The following SRD5A1 variants were observed in gnomAD, a reference collection of about 807,000 sequenced individuals.
The protein encoded by SRD5A1 is steroid 5 alpha-reductase 1.
Under a neutral mutation model 28.2 loss-of-function variants are expected in SRD5A1, and 22 were observed. That is an observed-to-expected ratio of 0.78 (90% CI 0.56 to 1.12). The LOEUF (loss-of-function observed/expected upper bound fraction) is 1.12. Ranked by LOEUF, SRD5A1 falls within the 50% of genes most tolerant of loss-of-function variation. The probability of loss-of-function intolerance (pLI) is 0.00; values close to 1 mark genes in which losing one functional copy is unlikely to be tolerated. For missense variants in SRD5A1, 300 were observed against 346.7 expected, an observed-to-expected ratio of 0.87 and a Z score of 1.07; for synonymous variants, 151 against 135.0, an observed-to-expected ratio of 1.12 and a Z score of -0.82.
At chr5:6,639,169 T>C (rs1275753540) in intron 1 of SRD5A1, among the ~76,000 whole-genome samples, 1 of 152,246 alleles carries the variant, frequency 6.6e-6, no homozygotes, top group African/African-American at 2.4e-5. Context: ...AAGACATACT[T>C]CTTTAGTTCC....
intron 3 of SRD5A1, among the ~76,000 whole-genome samples, chr5:6,660,450 A>G (rs1738967668): frequency 6.6e-6 from 1 of 152,244 alleles, no homozygotes. Context: ...AGGTCCTTCC[A>G]CGTCTGGGAT....
In SRD5A1 at chr5:6,672,340, A is replaced by G. The variant is rs955087016; in HGVS notation, c.*4072A>G. On this transcript the variant is annotated 3_prime_UTR_variant, in exon 5 of 5. Transcript: ENST00000274192. ...ACCCAGGCTGGAGTGCAATGGTGCG[A>G]TCTTGGCTCACTGCAAGCTGTGCCT... The G allele has an allele frequency of 1.3e-5, 2 of 152,298 alleles. No homozygotes were observed. Among genetic ancestry groups the G allele is most frequent in the African/African-American group, 4.8e-5 (2 of 41,448 alleles). The allele number at this position is 152,298 out of a possible 1,614,324, so 9.4% of individuals were successfully genotyped here.
intron 2 of SRD5A1, among the ~76,000 whole-genome samples, chr5:6,655,563 A>G (rs1419426408): frequency 6.6e-6 from 1 of 152,232 alleles, no homozygotes. Context: ...ATTTGTTTAA[A>G]TGAGGTTGTA....
chr5:6,665,141 C>G (rs889104664), intron 4 of SRD5A1, among the ~76,000 whole-genome samples: 9 of 152,250 alleles, frequency 5.9e-5, no homozygotes, highest in Non-Finnish European at 1.2e-4. Context: ...GTGGGAAGGC[C>G]ATGCGAAGAT....
Position 6,672,942 on chromosome 5 carries a change from A to G in SRD5A1, c.*4674A>G, listed in dbSNP as rs1358375171. On this transcript the variant is annotated 3_prime_UTR_variant, in exon 5 of 5. Transcript: ENST00000274192. ...GGGATTGTAGAAATATCTCAAATTA[A>G]TTAGCGTCTAGCTCTTTGTAAGGTA... 2 of 152,216 alleles carry G rather than the reference A, an allele frequency of 1.3e-5. No individual in the cohort carries two copies. Among genetic ancestry groups the G allele is most frequent in the Non-Finnish European group, 2.9e-5 (2 of 68,048 alleles). The allele number at this position is 152,216 out of a possible 1,614,324, so 9.4% of individuals were successfully genotyped here.
At chr5:6,656,326 A>G (rs1391219177) in intron 3 of SRD5A1, 147 bp downstream of exon 3, 4 of 681,610 alleles carry the variant, frequency 5.9e-6, no homozygotes, top group African/African-American at 3.6e-5. Flanking sequence ...AACAAGTGCT[A>G]TTGTTATTGT....
chr5:6,657,773 G>C lies in SRD5A1; in HGVS notation c.562+1594G>C, dbSNP rs571737757. On this transcript the variant is annotated intron_variant, in intron 3 of 4. Transcript: ENST00000274192. ...GGAAAGGCCTGCGGTGCCTTATACA[G>C]AGGGTCCTGTCCACTGTTCCACAGT... 7.2e-5 allele frequency among the ~76,000 whole-genome samples: 11 copies of C among 152,320 alleles called. No homozygotes were observed. In the East Asian group the frequency reaches 2.1e-3, roughly 29 times the overall value.
chr5:6,667,359 G>A (rs1196860314), intron 4 of SRD5A1, among the ~76,000 whole-genome samples: 1 of 152,216 alleles, frequency 6.6e-6, no homozygotes, highest in African/African-American at 2.4e-5. Flanking sequence ...TCTATTTGTG[G>A]ATTCCGGTGT....
chr5:6,658,769 AAAAC>A (rs747517680), intron 3 of SRD5A1, among the ~76,000 whole-genome samples: 8 of 152,170 alleles, frequency 5.3e-5, no homozygotes, highest in East Asian at 3.9e-4. Flanking sequence ...TTTAAAAAAA[AAAAC>A]AAACCACAGA....
At chr5:6,665,128 A>G (rs1739124249) in intron 4 of SRD5A1, among the ~76,000 whole-genome samples, 1 of 152,266 alleles carries the variant, frequency 6.6e-6, no homozygotes, top group African/African-American at 2.4e-5. Flanking sequence ...GTGATCACAC[A>G]GAGTGGGAAG....
chr5:6,637,786 C>T (rs1366273499), intron 1 of SRD5A1, among the ~76,000 whole-genome samples: 1 of 152,236 alleles, frequency 6.6e-6, no homozygotes, highest in East Asian at 1.9e-4. Context: ...CCTCCTCTTT[C>T]TGACACCTGT....
chr5:6,638,827 G>T (rs569320466), intron 1 of SRD5A1, among the ~76,000 whole-genome samples: 12 of 152,338 alleles, frequency 7.9e-5, no homozygotes, highest in African/African-American at 2.9e-4. Context: ...AGAAGGAAAG[G>T]CTAGGTGAAA....
chr5:6,666,503 CAG>C (rs1406875707), intron 4 of SRD5A1, among the ~76,000 whole-genome samples: 1 of 152,108 alleles, frequency 6.6e-6, no homozygotes, highest in African/African-American at 2.4e-5. Flanking sequence ...CTATAATAAT[CAG>C]TATTTAAATT....
At chr5:6,636,264 T>G (rs1738182513) in intron 1 of SRD5A1, among the ~76,000 whole-genome samples, 1 of 152,202 alleles carries the variant, frequency 6.6e-6, no homozygotes, top group Non-Finnish European at 1.5e-5. Flanking sequence ...CATTTAGCAC[T>G]GAACACAAAC....
rs1739339472 is a variant in SRD5A1 at position 6,670,811 on chromosome 5, A to T, written c.*2543A>T. On this transcript the variant is annotated 3_prime_UTR_variant, in exon 5 of 5. Coordinates refer to ENST00000274192, the MANE Select transcript of SRD5A1 (RefSeq NM_001047.4). ...CCAAAGCTTAACCACCTTTCTTAAGATATTGATCAACCAGATCATTGCAAA... is the reference window on the plus strand; with the variant it reads ...CCAAAGCTTAACCACCTTTCTTAAGTTATTGATCAACCAGATCATTGCAAA... The T allele has an allele frequency of 6.6e-6, 1 of 152,232 alleles. No homozygotes were observed. The highest frequency in any genetic ancestry group is 6.5e-5 in the Admixed American group (1 of 15,282). 9.4% of individuals were successfully genotyped at this position (152,232 alleles called of 1,614,324 possible).
At chr5:6,660,600 C>T (rs1738972078) in intron 3 of SRD5A1, among the ~76,000 whole-genome samples, 1 of 152,222 alleles carries the variant, frequency 6.6e-6, no homozygotes, top group African/African-American at 2.4e-5. Flanking sequence ...GCTGTGAATG[C>T]TTTGGGTCCA....
At chr5:6,656,236 T>C in intron 3 of SRD5A1, 57 bp downstream of exon 3, 1 of 1,396,454 alleles carries the variant, frequency 7.2e-7, no homozygotes, top group Non-Finnish European at 1.0e-6. Flanking sequence ...TTCCTGGCTA[T>C]TTTAGTGTTG....
intron 2 of SRD5A1, among the ~76,000 whole-genome samples, chr5:6,654,743 A>T (rs537768443): frequency 6.6e-6 from 1 of 152,336 alleles, no homozygotes; most frequent in South Asian, 2.1e-4. Flanking sequence ...AGATTTTAAG[A>T]TCTTATAAAT....
chr5:6,659,688 C>T (rs1158004194), intron 3 of SRD5A1, among the ~76,000 whole-genome samples: 7 of 152,142 alleles, frequency 4.6e-5, no homozygotes, highest in African/African-American at 7.2e-5. Context: ...AGGGAAAGTT[C>T]GTTAGATTCT....
Sources: allele counts gnomAD v4.1 joint callset (sites outside exome capture counted in the v4.1 genomes callset), GRCh38; gene constraint gnomAD v4.1.1; transcripts MANE v1.5; gene names NCBI Gene and HGNC (gene_info 2026-07-23, HGNC 2026-07-21).